Variants in ST6GALNAC3 observed in about 807,000 individuals in gnomAD.
ST6GALNAC3 encodes ST6 N-acetylgalactosaminide alpha-2,6-sialyltransferase 3.
A neutral mutation model predicts 32.7 loss-of-function variants in ST6GALNAC3; 25 were observed. That is an observed-to-expected ratio of 0.76 (90% confidence interval 0.56 to 1.07). ST6GALNAC3 has a LOEUF of 1.07. ST6GALNAC3 is among the 50% of genes least tolerant of loss of function. The pLI, the probability that ST6GALNAC3 is intolerant of heterozygous loss-of-function variation, is 0.00. For missense variants in ST6GALNAC3, 355 were observed against 382.4 expected, an observed-to-expected ratio of 0.93 and a Z score of 0.60; for synonymous variants, 129 against 133.1, an observed-to-expected ratio of 0.97 and a Z score of 0.21.
At chr1:76,619,625 CTAT>C (rs1483978695) in intron 3 of ST6GALNAC3, among the ~76,000 whole-genome samples, 8 of 152,020 alleles carry the variant, frequency 5.3e-5, no homozygotes, top group African/African-American at 1.9e-4. Context: ...GAGAAAATAA[CTAT>C]ATGAAACATC....
chr1:76,390,064 T>G (rs1359590544), intron 2 of ST6GALNAC3, among the ~76,000 whole-genome samples: 1 of 152,222 alleles, frequency 6.6e-6, no homozygotes, highest in African/African-American at 2.4e-5. Context: ...ATCTGTATAC[T>G]TATCGTTTTA....
At chr1:76,205,271 T>C (rs149336225) in intron 1 of ST6GALNAC3, among the ~76,000 whole-genome samples, 2 of 152,188 alleles carry the variant, frequency 1.3e-5, no homozygotes, top group Non-Finnish European at 2.9e-5. Flanking sequence ...TGCCCTGCTA[T>C]GTTAACAGTG....
chr1:76,493,150 C>G (rs1214741059), intron 3 of ST6GALNAC3, among the ~76,000 whole-genome samples: 7 of 151,756 alleles, frequency 4.6e-5, no homozygotes, highest in Admixed American at 1.3e-4. Flanking sequence ...AGCAACCATT[C>G]AAAATTGAAT....
chr1:76,300,783 T>C (rs1660682000), intron 1 of ST6GALNAC3, among the ~76,000 whole-genome samples: 1 of 152,024 alleles, frequency 6.6e-6, no homozygotes, highest in African/African-American at 2.4e-5. Flanking sequence ...GGCTGCTTTG[T>C]AATCACGATT....
At chr1:76,525,793 A>ATATATATATATATATATATATATATATG (rs1557528804) in intron 3 of ST6GALNAC3, among the ~76,000 whole-genome samples, 10 of 21,740 alleles carry the variant, frequency 4.6e-4, no homozygotes, top group African/African-American at 3.7e-3. Flanking sequence ...GTGTGTGTGT[A>ATATATATATATATATATATATATATATG]TATATATATA....
chr1:76,284,918 G>A (rs1356724898), intron 1 of ST6GALNAC3, among the ~76,000 whole-genome samples: 1 of 152,120 alleles, frequency 6.6e-6, no homozygotes, highest in Non-Finnish European at 1.5e-5. Context: ...GATAGTGGGT[G>A]TAAGTCATGC....
At chr1:76,224,444 G>C (rs1655956593) in intron 1 of ST6GALNAC3, among the ~76,000 whole-genome samples, 1 of 152,200 alleles carries the variant, frequency 6.6e-6, no homozygotes, top group African/African-American at 2.4e-5. Context: ...AGATGGAGTT[G>C]AGATAAACTT....
chr1:76,274,742 G>A (rs1659037906), intron 1 of ST6GALNAC3, among the ~76,000 whole-genome samples: 1 of 152,098 alleles, frequency 6.6e-6, no homozygotes, highest in African/African-American at 2.4e-5. Context: ...AGATAGGGTG[G>A]AGGGGGGTGC....
chr1:76,522,508 GACT>G (rs1171637525), intron 3 of ST6GALNAC3, among the ~76,000 whole-genome samples: 1 of 151,394 alleles, frequency 6.6e-6, no homozygotes, highest in African/African-American at 2.4e-5. Context: ...CTTTTCTATT[GACT>G]GTCTTTGAGT....
chr1:76,100,819 G>A (rs1183691928), intron 1 of ST6GALNAC3, among the ~76,000 whole-genome samples: 1 of 143,816 alleles, frequency 7.0e-6, no homozygotes. Flanking sequence ...TTTTTCCTTT[G>A]TGGGAAGTTT....
chr1:76,233,173 A>G (rs1156874083), intron 1 of ST6GALNAC3, among the ~76,000 whole-genome samples: 1 of 152,166 alleles, frequency 6.6e-6, no homozygotes, highest in African/African-American at 2.4e-5. Flanking sequence ...TACAGTAATA[A>G]TAATATTACT....
intron 1 of ST6GALNAC3, among the ~76,000 whole-genome samples, chr1:76,222,457 A>C (rs1301944001): frequency 1.3e-5 from 2 of 152,194 alleles, no homozygotes; most frequent in African/African-American, 4.8e-5. Context: ...AACAGAGTAA[A>C]GAGACAATCT....
intron 1 of ST6GALNAC3, among the ~76,000 whole-genome samples, chr1:76,158,054 A>T (rs1160672554): frequency 1.3e-5 from 2 of 152,186 alleles, no homozygotes; most frequent in African/African-American, 4.8e-5. Context: ...TTTCCAATGA[A>T]ATGGGTCCAG....
chr1:76,191,464 G>A (rs1371616701), intron 1 of ST6GALNAC3, among the ~76,000 whole-genome samples: 1 of 152,086 alleles, frequency 6.6e-6, no homozygotes, highest in African/African-American at 2.4e-5. Flanking sequence ...TTGTACAGAA[G>A]GGTGACAGTG....
At chr1:76,234,241 TC>T (rs1354861792) in intron 1 of ST6GALNAC3, among the ~76,000 whole-genome samples, 2 of 152,062 alleles carry the variant, frequency 1.3e-5, no homozygotes, top group African/African-American at 4.8e-5. Context: ...CTCTGTACCC[TC>T]CCCCGGTAGT....
intron 3 of ST6GALNAC3, among the ~76,000 whole-genome samples, chr1:76,483,478 A>G (rs542249990): frequency 6.6e-6 from 1 of 152,296 alleles, no homozygotes; most frequent in South Asian, 2.1e-4. Context: ...ATGGCCAGTG[A>G]TGATGAGCAT....
At chr1:76,265,151 A>G (rs989229431) in intron 1 of ST6GALNAC3, among the ~76,000 whole-genome samples, 4 of 152,154 alleles carry the variant, frequency 2.6e-5, no homozygotes, top group Non-Finnish European at 5.9e-5. Context: ...GAAGAGAAAA[A>G]AAGTCATTTT....
chr1:76,232,871 G>T (rs1321548179), intron 1 of ST6GALNAC3, among the ~76,000 whole-genome samples: 1 of 152,216 alleles, frequency 6.6e-6, no homozygotes, highest in African/African-American at 2.4e-5. Context: ...TGTCAGCTGA[G>T]TGTGTAATCC....
At chr1:76,373,869 C>G (rs1201763400) in intron 2 of ST6GALNAC3, among the ~76,000 whole-genome samples, 1 of 152,152 alleles carries the variant, frequency 6.6e-6, no homozygotes, top group Non-Finnish European at 1.5e-5. Context: ...TCAAAGCATT[C>G]TAGAGACAGA....
Sources: gnomAD v4.1 joint callset for allele counts (sites outside exome capture counted in the v4.1 genomes callset) on GRCh38, gnomAD v4.1.1 for gene constraint, MANE v1.5 for transcripts, NCBI Gene and HGNC (gene_info 2026-07-23, HGNC 2026-07-21) for gene names.